Variants in POLQ observed in about 807,000 individuals in gnomAD.
POLQ encodes DNA polymerase theta, also known as epididymis secretory sperm binding protein.
POLQ carries 233 observed loss-of-function variants against 259.2 expected under a neutral mutation model. That is an observed-to-expected ratio of 0.90 (90% CI 0.81 to 1.00). POLQ has a LOEUF of 1.00. POLQ is among the 50% of genes least tolerant of loss of function. The pLI, the probability that POLQ is intolerant of heterozygous loss-of-function variation, is 0.00. For synonymous variants in POLQ, 1,025 were observed against 1,048.8 expected, an observed-to-expected ratio of 0.98 and a Z score of 0.44; for missense variants, 2,871 against 3,051.6, an observed-to-expected ratio of 0.94 and a Z score of 1.39.
rs928277062 is a variant in POLQ, at chr3:121,498,597, G to A, written c.2033C>T (p.Thr678Ile). Residue 678 changes from threonine (T) to isoleucine (I), a missense_variant, in exon 13 of 30, where the codon ACT (threonine) becomes ATT (isoleucine). Physicochemically the swap from Thr to Ile is moderately conservative, Grantham distance 89 (BLOSUM62 -1). This residue lies in a region of POLQ where 783 missense variants were observed against 906.2 expected (regional missense o/e 0.86). Coordinates refer to ENST00000264233, the MANE Select transcript of POLQ (RefSeq NM_199420.4). ...RFFCLWEKLPTSMKRVAELVG... is the reference protein window; with the variant it reads ...RFFCLWEKLPISMKRVAELVG... ...TAGCTCTGCCACCCTTTTCATTGAA[G>A]TTGGCAACTTCTCCCATAAACAGAA... 2 of 1,614,020 alleles carry A rather than the reference G, an allele frequency of 1.2e-6. No homozygotes were observed. The highest frequency in any genetic ancestry group is 1.7e-6 in the Non-Finnish European group (2 of 1,179,892).
chr3:121,527,759 ATCACTAGTGGCACC>A (rs2048383067), intron 7 of POLQ, among the ~76,000 whole-genome samples: 1 of 152,220 alleles, frequency 6.6e-6, no homozygotes, highest in African/African-American at 2.4e-5. Context: ...CACTTCCAGC[ATCACTAGTGGCACC>A]TCAAATTGGT....
At chr3:121,517,997 T>C (rs1258489480) in intron 9 of POLQ, among the ~76,000 whole-genome samples, 1 of 152,194 alleles carries the variant, frequency 6.6e-6, no homozygotes, top group Non-Finnish European at 1.5e-5. Flanking sequence ...TTGGTATTTG[T>C]GGTAGTCATG....
In POLQ at chr3:121,452,768, A is replaced by G. The variant is rs547084252; in HGVS notation, c.7153-3342T>C. Reference sequence around the variant, plus strand: ...ACTGAGTGGAGCCCACCACAGCTCAAGGAGGCCTGCCTGTCTCTGTAGGCT... The same window carrying G: ...ACTGAGTGGAGCCCACCACAGCTCAGGGAGGCCTGCCTGTCTCTGTAGGCT... On this transcript the variant is annotated intron_variant, in intron 25 of 29. Transcript: ENST00000264233. Among the ~76,000 whole-genome samples the G allele has an allele frequency of 3.3e-5, 5 of 152,330 alleles. No homozygotes were observed. In the East Asian group the frequency reaches 9.6e-4, roughly 29 times the overall value.
intron 12 of POLQ, among the ~76,000 whole-genome samples, chr3:121,501,990 CA>C (rs554794926): frequency 0.019 from 1,161 of 60,342 alleles, 11 homozygotes; most frequent in African/African-American, 0.058. Flanking sequence ...ACTCTGTCTC[CA>C]AAAAAAAAAA....
At chr3:121,443,612 A>G (rs1198683769) in intron 26 of POLQ, among the ~76,000 whole-genome samples, 2 of 151,166 alleles carry the variant, frequency 1.3e-5, no homozygotes, top group African/African-American at 2.4e-5. Flanking sequence ...ATGTGATCTC[A>G]TTTGTCTATT....
At position 121,537,127 on chromosome 3, in the gene POLQ, C is replaced by A; in HGVS notation, c.713G>T (p.Cys238Phe). ...YLLELLLTKICYITRKSASCQ... is the reference protein window; with the variant it reads ...YLLELLLTKIFYITRKSASCQ... Reference sequence around the variant, plus strand: ...AGATGCTGATTTCCGAGTAATATAGCAAATCTTGGTCAGCAAAAGTTCCAG... The same window carrying A: ...AGATGCTGATTTCCGAGTAATATAGAAAATCTTGGTCAGCAAAAGTTCCAG... The change falls in exon 5 of 30, where the codon TGC becomes TTC. Residue 238 changes from cysteine to phenylalanine, a missense_variant. Physicochemically the swap from Cys to Phe is radical, Grantham distance 205. Coordinates refer to ENST00000264233, the MANE Select transcript of POLQ (RefSeq NM_199420.4). 1.9e-6 allele frequency: 3 copies of A among 1,582,366 alleles called. No individual in the cohort carries two copies. Among genetic ancestry groups the A allele is most frequent in the South Asian group, 2.2e-5 (2 of 90,258 alleles).
chr3:121,459,906 T>G, intron 25 of POLQ, 144 bp downstream of exon 25: 189 of 634,764 alleles, frequency 3.0e-4, no homozygotes, highest in East Asian at 4.8e-4. Flanking sequence ...ATGAATACCA[T>G]GAGATAAGCT....
At chr3:121,540,247 A>G (rs766072249) in intron 3 of POLQ, among the ~76,000 whole-genome samples, 12 of 152,180 alleles carry the variant, frequency 7.9e-5, no homozygotes, top group Non-Finnish European at 1.8e-4. Flanking sequence ...TATTCATTCA[A>G]TAAAATTTTC....
intron 3 of POLQ, among the ~76,000 whole-genome samples, chr3:121,540,211 T>C (rs1025317341): frequency 6.6e-6 from 1 of 152,160 alleles, no homozygotes; most frequent in African/African-American, 2.4e-5. Context: ...ATTAAAAAGA[T>C]TTATAGAACC....
chr3:121,509,906 G>T (rs1010086975), intron 11 of POLQ, 133 bp downstream of exon 11: 3 of 844,678 alleles, frequency 3.6e-6, no homozygotes, highest in Admixed American at 5.3e-5. Context: ...TACTAAAAAT[G>T]AGTTGATACA....
intron 15 of POLQ, among the ~76,000 whole-genome samples, chr3:121,493,012 T>C (rs969456193): frequency 6.6e-6 from 1 of 152,104 alleles, no homozygotes; most frequent in African/African-American, 2.4e-5. Context: ...AAATAAAAAG[T>C]AATCTGCAGC....
chr3:121,490,225 G>T lies in POLQ; in HGVS notation c.2706C>A (p.Ala902=). ...ATGAGCATGTACTAGAATGTAACAG[G>T]GCACATGGATTCCATTGCACTCCCA... ...VEMGVQWNPC[A]LLHSSTCSLT... is the part of the protein sequence containing the mutation. Residue 902 remains alanine, a synonymous_variant, in exon 16 of 30, where the codon GCC becomes GCA. Coordinates refer to ENST00000264233, the MANE Select transcript of POLQ (RefSeq NM_199420.4). 6.2e-7 allele frequency: 1 copy of T among 1,614,138 alleles called. No individual in the cohort carries two copies. Among genetic ancestry groups the T allele is most frequent in the Non-Finnish European group, 8.5e-7 (1 of 1,180,002 alleles).
At chr3:121,453,102 T>C (rs557816923) in intron 25 of POLQ, among the ~76,000 whole-genome samples, 2 of 152,288 alleles carry the variant, frequency 1.3e-5, no homozygotes, top group South Asian at 2.1e-4. Flanking sequence ...TGTTCTGCAG[T>C]CACCGCTGTT....
At chr3:121,541,504 T>C in intron 2 of POLQ, 25 bp from the exon 3 acceptor site, 3 of 1,571,804 alleles carry the variant, frequency 1.9e-6, no homozygotes, top group South Asian at 1.2e-5. Context: ...TTCCACAAGA[T>C]TATAAGAAAA....
intron 5 of POLQ, among the ~76,000 whole-genome samples, chr3:121,536,857 G>C (rs994773242): frequency 3.3e-5 from 5 of 152,012 alleles, no homozygotes; most frequent in African/African-American, 1.2e-4. Flanking sequence ...TGTTGCCCAG[G>C]CTGGTCTGGA....
Position 121,487,922 on chromosome 3 carries a change from C to T in POLQ, c.5009G>A (p.Arg1670Lys). The T allele has an allele frequency of 2.5e-6, 4 of 1,602,354 alleles. No individual in the cohort carries two copies. Among genetic ancestry groups the T allele is most frequent in the Admixed American group, 1.7e-5 (1 of 57,222 alleles). ...TTCTTCATTTAACTCTGTATTTTTT[C>T]TATTCAAACTGGAAAAGTTTATAGT... is the stretch of plus-strand genomic sequence containing the variant. ...SMTINFSSLN[R>K]KNTELNEEQE... is the part of the protein sequence containing the mutation. The change falls in exon 16 of 30, where the codon AGA becomes AAA. Residue 1670 changes from arginine (R) to lysine (K), a missense_variant. Physicochemically the swap from Arg to Lys is conservative, Grantham distance 26. Transcript: ENST00000264233.
In POLQ at chr3:121,487,476, A is replaced by T; in HGVS notation, c.5455T>A (p.Ser1819Thr). 1.2e-6 allele frequency: 2 copies of T among 1,614,108 alleles called. No individual in the cohort carries two copies. Among genetic ancestry groups the T allele is most frequent in the South Asian group, 2.2e-5 (2 of 91,086 alleles). ...ATGGACAAACTTTCTGAACTGCTTGAGGCTGGAGTTAACTGTAATCCATCC... is the reference window on the plus strand; with the variant it reads ...ATGGACAAACTTTCTGAACTGCTTGTGGCTGGAGTTAACTGTAATCCATCC... ...SQDGLQLTPA[S>T]SSSESLSIID... Residue 1819 changes from serine (S) to threonine (T), a missense_variant, in exon 16 of 30, where the codon TCA (serine) becomes ACA (threonine). By Grantham distance (58) the Ser-to-Thr change is moderately conservative. Coordinates refer to ENST00000264233, the MANE Select transcript of POLQ (RefSeq NM_199420.4).
intron 9 of POLQ, among the ~76,000 whole-genome samples, chr3:121,516,557 C>T (rs993347248): frequency 2.0e-5 from 3 of 152,154 alleles, no homozygotes; most frequent in Non-Finnish European, 4.4e-5. Flanking sequence ...GAGGACTCAT[C>T]CACATCACAA....
chr3:121,533,927 G>T (rs1176982296), intron 5 of POLQ, among the ~76,000 whole-genome samples: 1 of 120,420 alleles, frequency 8.3e-6, no homozygotes, highest in Non-Finnish European at 1.6e-5. Context: ...TTTTTGAGAC[G>T]GAGTCTTGCT....
Sources: gnomAD v4.1 joint callset for allele counts (sites outside exome capture counted in the v4.1 genomes callset) on GRCh38, gnomAD v4.1.1 for gene constraint, gnomAD v4.1.1 regional missense constraint, MANE v1.5 for transcripts, NCBI Gene and HGNC (gene_info 2026-07-23, HGNC 2026-07-21) for gene names.